The following ACOXL variants were observed in gnomAD, a reference collection of about 807,000 sequenced individuals.
ACOXL encodes the protein acyl-coenzyme A oxidase-like protein.
ACOXL carries 70 observed loss-of-function variants against 71.9 expected under a neutral mutation model. The observed-to-expected ratio is 0.97, with a 90% confidence interval of 0.80 to 1.19. ACOXL has a LOEUF of 1.19. ACOXL is among the 50% of genes most tolerant of loss of function. The probability of loss-of-function intolerance (pLI) is 0.00; values close to 1 mark genes in which losing one functional copy is unlikely to be tolerated. For synonymous variants in ACOXL, 253 were observed against 281.6 expected (o/e 0.90, Z 1.02); for missense variants, 703 against 736.3 (o/e 0.95, Z 0.52).
chr2:110,921,487 G>A (rs1033198244), intron 11 of ACOXL, among the ~76,000 whole-genome samples: 4 of 142,882 alleles, frequency 2.8e-5, no homozygotes, highest in South Asian at 2.3e-4. Flanking sequence ...TCCACTTCCC[G>A]GGTTCACAAC....
intron 12 of ACOXL, among the ~76,000 whole-genome samples, chr2:110,965,495 G>A (rs1558799030): frequency 6.6e-6 from 1 of 152,122 alleles, no homozygotes; most frequent in Non-Finnish European, 1.5e-5. Context: ...TTATGTTTAA[G>A]TATTTGCATA....
At chr2:111,075,774 T>C (rs1001490256) in intron 16 of ACOXL, among the ~76,000 whole-genome samples, 19 of 152,090 alleles carry the variant, frequency 1.2e-4, no homozygotes, top group African/African-American at 4.6e-4. Flanking sequence ...TTTTCATTGT[T>C]CTCCACTTCT....
intron 14 of ACOXL, among the ~76,000 whole-genome samples, chr2:111,024,747 A>G (rs950260229): frequency 1.3e-5 from 2 of 152,058 alleles, no homozygotes; most frequent in African/African-American, 4.8e-5. Flanking sequence ...GGAAAACAGT[A>G]GCTTTTACAG....
intron 12 of ACOXL, among the ~76,000 whole-genome samples, 175 bp from the exon 13 acceptor site, chr2:110,986,933 T>A (rs1257812874): frequency 6.6e-6 from 1 of 152,170 alleles, no homozygotes; most frequent in Non-Finnish European, 1.5e-5. Flanking sequence ...GATGGTGTGA[T>A]AAATGCCCCA....
intron 1 of ACOXL, among the ~76,000 whole-genome samples, chr2:110,750,951 C>G (rs1301778822): frequency 6.6e-6 from 1 of 151,960 alleles, no homozygotes; most frequent in African/African-American, 2.4e-5. Flanking sequence ...TCCCAAAGTT[C>G]TGGGATTACA....
chr2:110,815,077 C>A lies in ACOXL; in HGVS notation c.753+9682C>A, dbSNP rs527368167. Among the ~76,000 whole-genome samples, 46 of 152,242 alleles carry A rather than the reference C, an allele frequency of 3.0e-4. 2 individuals carry two copies. In the South Asian group the frequency reaches 9.1e-3, roughly 30 times the overall value. ...GGCTGGGGAGGCCTCAGAAAACTTA[C>A]AATCATGGTGGAAGGGCGAGCAAAT... On this transcript the variant is annotated intron_variant, in intron 9 of 17. Coordinates refer to ENST00000439055, the MANE Select transcript of ACOXL (RefSeq NM_001142807.4).
chr2:111,096,934 T>A (rs973354575), intron 17 of ACOXL, among the ~76,000 whole-genome samples: 2 of 152,152 alleles, frequency 1.3e-5, no homozygotes, highest in South Asian at 2.1e-4. Flanking sequence ...CTCTTTGACA[T>A]CCCAGCTTGT....
At chr2:110,814,068 C>A (rs1034778547) in intron 9 of ACOXL, among the ~76,000 whole-genome samples, 1 of 152,200 alleles carries the variant, frequency 6.6e-6, no homozygotes, top group Non-Finnish European at 1.5e-5. Flanking sequence ...GTTCCTGGAA[C>A]ACTTTATGCA....
At chr2:110,979,918 A>G (rs1428344978) in intron 12 of ACOXL, among the ~76,000 whole-genome samples, 1 of 152,176 alleles carries the variant, frequency 6.6e-6, no homozygotes, top group East Asian at 1.9e-4. Context: ...AGGTAAGCAC[A>G]TAATTTGTTT....
intron 14 of ACOXL, among the ~76,000 whole-genome samples, chr2:111,029,045 C>T (rs575859625): frequency 6.6e-6 from 1 of 152,280 alleles, no homozygotes; most frequent in South Asian, 2.1e-4. Context: ...TTCCTACCTG[C>T]AAAATGAAGA....
chr2:111,039,707 T>C (rs1325069099), intron 15 of ACOXL, among the ~76,000 whole-genome samples: 1 of 152,240 alleles, frequency 6.6e-6, no homozygotes, highest in African/African-American at 2.4e-5. Context: ...TCTCCCTTCA[T>C]TGGCCACCTG....
At position 111,052,357 on chromosome 2, in the gene ACOXL, G is replaced by A. The variant is rs78502306; in HGVS notation, c.1440+3069G>A. 3.7e-3 allele frequency among the ~76,000 whole-genome samples: 566 copies of A among 152,252 alleles called. 10 individuals carry two copies. The East Asian group carries it at 0.046, about 12-fold the overall frequency. On this transcript the variant is annotated intron_variant, in intron 16 of 17. Transcript: ENST00000439055. ...GCAGTGGAACCATGAGGGGTACTGT[G>A]GTGGCAGGCTTCTGGAGTCACTCTC...
intron 16 of ACOXL, among the ~76,000 whole-genome samples, chr2:111,066,488 C>T (rs1034626890): frequency 1.4e-4 from 21 of 152,092 alleles, no homozygotes; most frequent in African/African-American, 5.1e-4. Context: ...TATCTATATG[C>T]TGGTTGTGAT....
chr2:110,846,378 G>A (rs1441642449), intron 10 of ACOXL, among the ~76,000 whole-genome samples: 1 of 152,114 alleles, frequency 6.6e-6, no homozygotes, highest in Non-Finnish European at 1.5e-5. Flanking sequence ...AATGTGCAGA[G>A]GAGGGAAAGA....
At chr2:111,032,202 C>CTCA (rs2065302979) in intron 15 of ACOXL, among the ~76,000 whole-genome samples, 1 of 152,156 alleles carries the variant, frequency 6.6e-6, no homozygotes, top group Non-Finnish European at 1.5e-5. Context: ...CAGTGGTTCT[C>CTCA]AACCAGGGGC....
At chr2:111,077,650 AT>A (rs999162909) in intron 16 of ACOXL, among the ~76,000 whole-genome samples, 1 of 151,948 alleles carries the variant, frequency 6.6e-6, no homozygotes, top group African/African-American at 2.4e-5. Context: ...CTCATTGGTA[AT>A]TTTTTAAATC....
intron 12 of ACOXL, among the ~76,000 whole-genome samples, chr2:110,946,098 C>T (rs1401690901): frequency 2.0e-5 from 3 of 152,114 alleles, no homozygotes; most frequent in African/African-American, 4.8e-5. Context: ...TGTGGCATCA[C>T]GTTTTGTGGC....
chr2:111,034,654 G>C (rs1241237323), intron 15 of ACOXL, among the ~76,000 whole-genome samples: 1 of 152,196 alleles, frequency 6.6e-6, no homozygotes, highest in African/African-American at 2.4e-5. Flanking sequence ...TTTTGAAATC[G>C]AGAAATCCAT....
chr2:111,034,784 A>T (rs1558894479), intron 15 of ACOXL, among the ~76,000 whole-genome samples: 1 of 152,222 alleles, frequency 6.6e-6, no homozygotes, highest in African/African-American at 2.4e-5. Flanking sequence ...ACCCTCTGGC[A>T]GAGGCCTCCA....
Sources: gnomAD v4.1 joint callset for allele counts (sites outside exome capture counted in the v4.1 genomes callset) on GRCh38, gnomAD v4.1.1 for gene constraint, MANE v1.5 for transcripts, NCBI Gene and HGNC (gene_info 2026-07-23, HGNC 2026-07-21) for gene names.